KIF13B: variants seen among roughly 807,000 people sequenced by gnomAD.
The protein encoded by KIF13B is kinesin-like protein KIF13B.
KIF13B carries 127 observed loss-of-function variants against 222.0 expected under a neutral mutation model. That is an observed-to-expected ratio of 0.57 (90% CI 0.50 to 0.66). The LOEUF is 0.66. Among genes scored for constraint, KIF13B ranks in the 30% least tolerant of loss-of-function variants. The probability of loss-of-function intolerance (pLI) is 0.00; values close to 1 mark genes in which losing one functional copy is unlikely to be tolerated. For missense variants in KIF13B, 2,173 were observed against 2,379.0 expected (o/e 0.91, Z 1.80); for synonymous variants, 976 against 919.0 (o/e 1.06, Z -1.12).
At chr8:29,258,136 T>C (rs1816555082) in intron 1 of KIF13B, among the ~76,000 whole-genome samples, 1 of 152,208 alleles carries the variant, frequency 6.6e-6, no homozygotes, top group Admixed American at 6.5e-5. Flanking sequence ...GAATCACCAA[T>C]GACCCCAGGG....
chr8:29,114,528 C>T (rs959839013), intron 31 of KIF13B, among the ~76,000 whole-genome samples: 1 of 152,068 alleles, frequency 6.6e-6, no homozygotes, highest in Non-Finnish European at 1.5e-5. Flanking sequence ...GATGTAGATG[C>T]TACTATTATC....
intron 35 of KIF13B, 74 bp from the exon 36 acceptor site, chr8:29,099,315 A>G: frequency 9.9e-7 from 1 of 1,013,970 alleles, no homozygotes; most frequent in Non-Finnish European, 1.5e-6. Context: ...ACAGATACTC[A>G]AGAAAAAAAA....
chr8:29,199,081 A>ATTTTTTTTTT (rs1435870446), intron 2 of KIF13B, among the ~76,000 whole-genome samples: 14 of 151,440 alleles, frequency 9.2e-5, no homozygotes, highest in African/African-American at 2.4e-4. Context: ...AAAAAAATAA[A>ATTTTTTTTTT]ATTTTTTAAA....
intron 2 of KIF13B, among the ~76,000 whole-genome samples, chr8:29,210,870 C>G (rs1814190098): frequency 1.3e-5 from 2 of 152,212 alleles, no homozygotes; most frequent in Admixed American, 1.3e-4. Context: ...CCTTCAGCAA[C>G]TGACATGCTA....
chr8:29,087,038 C>T (rs549912754), intron 37 of KIF13B, among the ~76,000 whole-genome samples: 36 of 152,326 alleles, frequency 2.4e-4, no homozygotes, highest in African/African-American at 8.4e-4. Context: ...CCAGTGTGTG[C>T]GCAGGGCAGT....
chr8:29,192,514 T>C (rs945188661), intron 3 of KIF13B, among the ~76,000 whole-genome samples: 7 of 152,214 alleles, frequency 4.6e-5, no homozygotes, highest in African/African-American at 1.4e-4. Context: ...GCCTCCCAAG[T>C]ACTGAGATTA....
In KIF13B at chr8:29,147,397, C is replaced by T. The variant is rs1486869748; in HGVS notation, c.2019G>A (p.Glu673=). The change falls in exon 17 of 40, where the codon GAG becomes GAA. Residue 673 remains glutamate (E), a synonymous_variant. Transcript: ENST00000524189. ...SAQQRLRQWA[E]EREATLNNSL... ...GGCCCCTCTGTGCCGCCTACCTCTC[C>T]TCAGCCCACTGTCTTAAGCGTTGCT... The T allele has an allele frequency of 6.2e-7, 1 of 1,602,148 alleles. No homozygotes were observed. Among genetic ancestry groups the T allele is most frequent in the Non-Finnish European group, 8.5e-7 (1 of 1,174,642 alleles).
chr8:29,188,324 T>C lies in KIF13B; in HGVS notation c.316+191A>G, dbSNP rs561723361. The stretch of plus-strand genomic sequence containing the variant: ...GCCTTGTGAGAAAAATCAGTAAAGA[T>C]AAAAGATCCCAATCCTAATTTTATT... On this transcript the variant is annotated intron_variant, in intron 5 of 39. Coordinates refer to ENST00000524189, the MANE Select transcript of KIF13B (RefSeq NM_015254.4). Among the ~76,000 whole-genome samples, 29 of 152,332 alleles carry C rather than the reference T, an allele frequency of 1.9e-4. 1 individual carries two copies. In the South Asian group the frequency reaches 5.8e-3, roughly 30 times the overall value.
At chr8:29,190,313 T>C (rs1454290642) in intron 4 of KIF13B, 1 of 152,290 alleles carries the variant, frequency 6.6e-6, no homozygotes, top group Non-Finnish European at 1.5e-5. Flanking sequence ...TCTAATCGGT[T>C]GACAATCATG....
chr8:29,112,431 CAA>C (rs34908319), intron 32 of KIF13B, among the ~76,000 whole-genome samples: 22 of 78,256 alleles, frequency 2.8e-4, no homozygotes, highest in African/African-American at 7.2e-4. Context: ...GACTCAGTCT[CAA>C]AAAAAAAAAA....
chr8:29,202,117 C>CG (rs1157455518), intron 2 of KIF13B, among the ~76,000 whole-genome samples: 4 of 151,996 alleles, frequency 2.6e-5, no homozygotes, highest in African/African-American at 9.7e-5. Flanking sequence ...ATTCAGGAGG[C>CG]GGGGGGATTT....
At chr8:29,102,491 C>G (rs1478089190) in intron 35 of KIF13B, among the ~76,000 whole-genome samples, 1 of 152,212 alleles carries the variant, frequency 6.6e-6, no homozygotes, top group African/African-American at 2.4e-5. Flanking sequence ...TAGGCAGCAC[C>G]ATGCTCAGGG....
chr8:29,260,476 T>C (rs1816639376), intron 1 of KIF13B, among the ~76,000 whole-genome samples: 1 of 152,220 alleles, frequency 6.6e-6, no homozygotes, highest in Non-Finnish European at 1.5e-5. Context: ...CAAGTTTTAC[T>C]CTTTGTCATA....
chr8:29,165,416 AT>A (rs573046677), intron 12 of KIF13B, among the ~76,000 whole-genome samples: 9 of 152,108 alleles, frequency 5.9e-5, no homozygotes, highest in Non-Finnish European at 8.8e-5. Flanking sequence ...ATTTCATTAA[AT>A]TTTTTTTAAA....
intron 1 of KIF13B, among the ~76,000 whole-genome samples, chr8:29,245,790 G>GAC (rs199810836): frequency 6.6e-6 from 1 of 152,016 alleles, no homozygotes; most frequent in African/African-American, 2.4e-5. Context: ...TAAATCCTAA[G>GAC]AGAAAATCCT....
At chr8:29,130,083 T>C (rs1053227448) in intron 24 of KIF13B, among the ~76,000 whole-genome samples, 1 of 152,262 alleles carries the variant, frequency 6.6e-6, no homozygotes, top group African/African-American at 2.4e-5. Context: ...GTTTGGTTTA[T>C]GTCCTACAAA....
At chr8:29,115,957 C>T (rs538083154) in intron 31 of KIF13B, among the ~76,000 whole-genome samples, 23 of 152,352 alleles carry the variant, frequency 1.5e-4, no homozygotes, top group African/African-American at 5.0e-4. Context: ...CTTCTCTTAC[C>T]TGCATTCTCA....
intron 6 of KIF13B, 73 bp downstream of exon 6, chr8:29,186,219 G>C: frequency 8.2e-7 from 1 of 1,216,084 alleles, no homozygotes; most frequent in Non-Finnish European, 1.2e-6. Context: ...AAATTAAAAA[G>C]ATTTGCACTT....
intron 2 of KIF13B, among the ~76,000 whole-genome samples, chr8:29,224,939 G>A (rs190256709): frequency 1.7e-3 from 264 of 152,322 alleles, no homozygotes; most frequent in African/African-American, 6.2e-3. Flanking sequence ...GCCATGAAGT[G>A]CAATGCAGTT....
Sources: gnomAD v4.1 joint callset for allele counts (sites outside exome capture counted in the v4.1 genomes callset) on GRCh38, gnomAD v4.1.1 for gene constraint, MANE v1.5 for transcripts, NCBI Gene and HGNC (gene_info 2026-07-23, HGNC 2026-07-21) for gene names.